SEMA5A: variants seen among roughly 807,000 people sequenced by gnomAD.
SEMA5A encodes the protein semaphorin-5A.
SEMA5A carries 55 observed loss-of-function variants against 135.5 expected under a neutral mutation model. The observed-to-expected ratio is 0.41, with a 90% CI of 0.33 to 0.51. The LOEUF (loss-of-function observed/expected upper bound fraction) is 0.51. Among genes scored for constraint, SEMA5A ranks in the 20% least tolerant of loss-of-function variants. The probability of loss-of-function intolerance (pLI) is 0.37; values close to 1 mark genes in which losing one functional copy is unlikely to be tolerated. For synonymous variants in SEMA5A, 580 were observed against 546.5 expected, an observed-to-expected ratio of 1.06 and a Z score of -0.85; for missense variants, 1,290 against 1,419.9, an observed-to-expected ratio of 0.91 and a Z score of 1.47.
chr5:9,063,259 T>C lies in SEMA5A; in HGVS notation c.2300-154A>G, dbSNP rs185555633. ...CTTTTTACACTTCAGTAGCCAAAAA[T>C]CAGTGGTGTGATAGCCTCTTATCTC... On this transcript the variant is annotated intron_variant, in intron 17 of 22. Coordinates refer to ENST00000382496, the MANE Select transcript of SEMA5A (RefSeq NM_003966.3). Among the ~76,000 whole-genome samples, 64 of 152,334 alleles carry C rather than the reference T, an allele frequency of 4.2e-4. No individual in the cohort carries two copies. The East Asian group carries it at 0.012, about 28-fold the overall frequency.
chr5:9,056,064 T>G (rs535864249), intron 18 of SEMA5A, among the ~76,000 whole-genome samples: 114 of 152,200 alleles, frequency 7.5e-4, no homozygotes, highest in Middle Eastern at 3.4e-3. Flanking sequence ...GATCTTGGCT[T>G]TCTAAATGCG....
At chr5:9,484,670 GCTTAA>G (rs1336585084) in intron 1 of SEMA5A, among the ~76,000 whole-genome samples, 1 of 152,192 alleles carries the variant, frequency 6.6e-6, no homozygotes, top group Non-Finnish European at 1.5e-5. Context: ...TTGTTCATAT[GCTTAA>G]CATTGAAGGT....
At chr5:9,201,155 G>T (rs1330028457) in intron 9 of SEMA5A, among the ~76,000 whole-genome samples, 1 of 152,326 alleles carries the variant, frequency 6.6e-6, no homozygotes, top group East Asian at 1.9e-4. Flanking sequence ...CACAGCCAGT[G>T]TGTAGGAAAG....
intron 3 of SEMA5A, among the ~76,000 whole-genome samples, chr5:9,376,521 C>T (rs1755369829): frequency 6.6e-6 from 1 of 152,228 alleles, no homozygotes; most frequent in African/African-American, 2.4e-5. Flanking sequence ...GGCTCTGCAG[C>T]ACCCAACACA....
intron 1 of SEMA5A, among the ~76,000 whole-genome samples, chr5:9,460,507 T>C (rs1343879768): frequency 6.6e-6 from 1 of 152,152 alleles, no homozygotes; most frequent in African/African-American, 2.4e-5. Context: ...ATAAGTATAT[T>C]ATTTCAATCT....
chr5:9,226,832 A>C (rs762601614), intron 7 of SEMA5A, 37 bp downstream of exon 7: 3 of 1,500,660 alleles, frequency 2.0e-6, no homozygotes, highest in Admixed American at 1.7e-5. Context: ...GCCTCTTCTG[A>C]TATTAAATTC....
chr5:9,109,412 G>A (rs1740123284), intron 15 of SEMA5A, among the ~76,000 whole-genome samples: 1 of 152,164 alleles, frequency 6.6e-6, no homozygotes, highest in Non-Finnish European at 1.5e-5. Flanking sequence ...AAACAAAAAG[G>A]AAACAGCCTG....
chr5:9,038,462 G>A lies in SEMA5A; in HGVS notation c.*4435C>T, dbSNP rs1329505297. 6.6e-6 allele frequency: 1 copy of A among 152,176 alleles called. No homozygotes were observed. Among genetic ancestry groups the A allele is most frequent in the Non-Finnish European group, 1.5e-5 (1 of 68,040 alleles). 9.4% of individuals were successfully genotyped at this position (152,176 alleles called of 1,614,324 possible). A position where few individuals can be genotyped will look rare whatever the true frequency, so the allele number is the denominator to read the frequency against. On this transcript the variant is annotated 3_prime_UTR_variant, in exon 23 of 23. Coordinates refer to ENST00000382496, the MANE Select transcript of SEMA5A (RefSeq NM_003966.3). Reference sequence around the variant, plus strand: ...GGATACCCGGACCCTAAAGAAAGCTGATGGTTCAGGGACAAAGTTGAAGAA... The same window carrying A: ...GGATACCCGGACCCTAAAGAAAGCTAATGGTTCAGGGACAAAGTTGAAGAA...
At chr5:9,099,760 T>A (rs1739518481) in intron 16 of SEMA5A, among the ~76,000 whole-genome samples, 1 of 152,188 alleles carries the variant, frequency 6.6e-6, no homozygotes, top group Non-Finnish European at 1.5e-5. Context: ...ATTTCACACA[T>A]CAGGCTGTGC....
At chr5:9,313,188 C>A (rs1031359611) in intron 5 of SEMA5A, among the ~76,000 whole-genome samples, 1 of 152,056 alleles carries the variant, frequency 6.6e-6, no homozygotes, top group African/African-American at 2.4e-5. Flanking sequence ...GTTGCTAAAC[C>A]AATGTCAAAG....
At chr5:9,348,964 T>C (rs1299001345) in intron 3 of SEMA5A, among the ~76,000 whole-genome samples, 1 of 152,182 alleles carries the variant, frequency 6.6e-6, no homozygotes, top group Non-Finnish European at 1.5e-5. Context: ...TTAAGGAAAA[T>C]CTCTTTCTGT....
intron 3 of SEMA5A, among the ~76,000 whole-genome samples, chr5:9,374,500 C>T (rs191962723): frequency 4.6e-5 from 7 of 152,220 alleles, no homozygotes; most frequent in Non-Finnish European, 1.0e-4. Context: ...ATCCTACTTT[C>T]TCAAAGTTTC....
At chr5:9,320,035 G>C (rs554540974) in intron 4 of SEMA5A, among the ~76,000 whole-genome samples, 2 of 152,252 alleles carry the variant, frequency 1.3e-5, no homozygotes, top group East Asian at 3.9e-4. Context: ...AAGAGGACTA[G>C]GCTCACATTC....
In SEMA5A at chr5:9,466,335, G is replaced by A. The variant is rs188923470; in HGVS notation, c.-174-28483C>T. On this transcript the variant is annotated intron_variant, in intron 1 of 22. Transcript: ENST00000382496. ...GTATACATATGTAACAAACCTGCAC[G>A]TTGTGCACATGTACCCTAAAACTCA... Among the ~76,000 whole-genome samples, 530 of 148,956 alleles carry A rather than the reference G, an allele frequency of 3.6e-3. 2 individuals are homozygous for A. In the South Asian group the frequency reaches 0.042, roughly 12 times the overall value.
intron 21 of SEMA5A, among the ~76,000 whole-genome samples, chr5:9,047,693 T>C (rs1736344990): frequency 1.3e-5 from 2 of 152,200 alleles, no homozygotes; most frequent in African/African-American, 4.8e-5. Flanking sequence ...AAAACATCCT[T>C]GCTAGGTAAC....
chr5:9,186,532 G>C (rs750533216), intron 11 of SEMA5A, among the ~76,000 whole-genome samples: 8 of 152,168 alleles, frequency 5.3e-5, no homozygotes, highest in Admixed American at 1.3e-4. Flanking sequence ...AGGTAGGAAG[G>C]ACTCTAGCTT....
At chr5:9,072,494 C>G (rs1170477105) in intron 16 of SEMA5A, among the ~76,000 whole-genome samples, 1 of 152,154 alleles carries the variant, frequency 6.6e-6, no homozygotes, top group African/African-American at 2.4e-5. Flanking sequence ...AGAAACTACA[C>G]AGGAATAGGG....
intron 2 of SEMA5A, among the ~76,000 whole-genome samples, chr5:9,430,205 G>GTATTTACAAAA (rs1757808932): frequency 6.6e-6 from 1 of 152,158 alleles, no homozygotes; most frequent in Non-Finnish European, 1.5e-5. Context: ...GTGGAAGACT[G>GTATTTACAAAA]GACTTCCCAT....
chr5:9,385,110 G>A lies in SEMA5A; in HGVS notation c.-77-5087C>T, dbSNP rs764091602. On this transcript the variant is annotated intron_variant, in intron 2 of 22. Coordinates refer to ENST00000382496, the MANE Select transcript of SEMA5A (RefSeq NM_003966.3). ...GACAACATATAAGCATTTTTGGTGCGTCTACTTCAAAACCCCTGAAACCCC... is the reference window on the plus strand; with the variant it reads ...GACAACATATAAGCATTTTTGGTGCATCTACTTCAAAACCCCTGAAACCCC... Among the ~76,000 whole-genome samples the A allele has an allele frequency of 6.6e-5, 10 of 152,242 alleles. 1 individual carries two copies. The highest frequency in any genetic ancestry group is 4.1e-4 in the South Asian group (2 of 4,826).
Sources: gnomAD v4.1 joint callset for allele counts (sites outside exome capture counted in the v4.1 genomes callset) on GRCh38, gnomAD v4.1.1 for gene constraint, MANE v1.5 for transcripts, NCBI Gene and HGNC (gene_info 2026-07-23, HGNC 2026-07-21) for gene names.